Variants in TMEFF2 observed in about 807,000 individuals in gnomAD.
TMEFF2 encodes the protein transmembrane protein with EGF like and two follistatin like domains 2, also known as tomoregulin-2.
Under a neutral mutation model 53.8 loss-of-function variants are expected in TMEFF2, and 28 were observed. That is an observed-to-expected ratio of 0.52 (90% confidence interval 0.39 to 0.71). The LOEUF (loss-of-function observed/expected upper bound fraction) is 0.71. Among genes scored for constraint, TMEFF2 ranks in the 30% least tolerant of loss-of-function variants. The pLI, the probability that TMEFF2 is intolerant of heterozygous loss-of-function variation, is 0.00. For synonymous variants in TMEFF2, 162 were observed against 166.3 expected, an observed-to-expected ratio of 0.97 and a Z score of 0.20; for missense variants, 353 against 455.2, an observed-to-expected ratio of 0.78 and a Z score of 2.04.
At chr2:192,188,201 T>C (rs1035624986) in intron 2 of TMEFF2, among the ~76,000 whole-genome samples, 2 of 152,210 alleles carry the variant, frequency 1.3e-5, no homozygotes, top group East Asian at 3.8e-4. Flanking sequence ...AAAATTATGA[T>C]TTTAAGAGCG....
At chr2:192,188,013 T>C (rs1035905120) in intron 2 of TMEFF2, among the ~76,000 whole-genome samples, 9 of 152,176 alleles carry the variant, frequency 5.9e-5, no homozygotes, top group Non-Finnish European at 1.2e-4. Flanking sequence ...TCAACAGATG[T>C]TAAGTCAATT....
intron 4 of TMEFF2, among the ~76,000 whole-genome samples, chr2:192,102,962 C>T (rs968847700): frequency 6.6e-6 from 1 of 151,822 alleles, no homozygotes; most frequent in African/African-American, 2.4e-5. Flanking sequence ...ATGAGCATTC[C>T]GTGGTGTGGA....
At chr2:192,105,339 A>G (rs1410804145) in intron 4 of TMEFF2, among the ~76,000 whole-genome samples, 1 of 152,000 alleles carries the variant, frequency 6.6e-6, no homozygotes, top group Non-Finnish European at 1.5e-5. Flanking sequence ...CATATCTATC[A>G]AGTAATGAGC....
intron 4 of TMEFF2, among the ~76,000 whole-genome samples, chr2:192,106,099 ATAATT>A (rs1689138387): frequency 6.6e-6 from 1 of 151,850 alleles, no homozygotes; most frequent in South Asian, 2.1e-4. Flanking sequence ...TGAAGCTAAA[ATAATT>A]TAAATACAGT....
intron 4 of TMEFF2, among the ~76,000 whole-genome samples, chr2:192,072,005 G>A (rs1015984580): frequency 3.4e-4 from 51 of 151,968 alleles, no homozygotes; most frequent in African/African-American, 1.2e-3. Flanking sequence ...CTTCAAATAA[G>A]AAGCAGTTTA....
intron 4 of TMEFF2, among the ~76,000 whole-genome samples, chr2:192,104,735 C>T (rs1424113058): frequency 6.6e-6 from 1 of 151,924 alleles, no homozygotes; most frequent in Non-Finnish European, 1.5e-5. Flanking sequence ...ACAATTCAGC[C>T]ATTCTGCAAT....
intron 4 of TMEFF2, among the ~76,000 whole-genome samples, chr2:192,079,913 TC>T (rs1184157946): frequency 1.3e-5 from 2 of 152,212 alleles, no homozygotes; most frequent in African/African-American, 4.8e-5. Flanking sequence ...ATGATTAGAT[TC>T]CCTTAATCCA....
chr2:192,152,509 G>A lies in TMEFF2; in HGVS notation c.439+27159C>T, dbSNP rs575830370. 2.0e-5 allele frequency among the ~76,000 whole-genome samples: 3 copies of A among 152,030 alleles called. No homozygotes were observed. In the South Asian group the frequency reaches 6.2e-4, roughly 32 times the overall value. On this transcript the variant is annotated intron_variant, in intron 4 of 9. Coordinates refer to ENST00000272771, the MANE Select transcript of TMEFF2 (RefSeq NM_016192.4). ...GATGCTGCAGTAAAAGTAATGAGTG[G>A]CCCCAAGGGGGCACAGTCACATTTA...
chr2:192,111,073 G>T (rs1046968921), intron 4 of TMEFF2, among the ~76,000 whole-genome samples: 1 of 151,980 alleles, frequency 6.6e-6, no homozygotes, highest in African/African-American at 2.4e-5. Flanking sequence ...CCAGTCTCAG[G>T]TATGTCTTTA....
intron 4 of TMEFF2, among the ~76,000 whole-genome samples, chr2:192,164,805 T>G (rs1690720226): frequency 6.6e-6 from 1 of 152,200 alleles, no homozygotes; most frequent in Admixed American, 6.5e-5. Flanking sequence ...GTTTTTTCTC[T>G]TCTGAATTAA....
At chr2:192,190,189 C>T (rs140770792) in intron 2 of TMEFF2, among the ~76,000 whole-genome samples, 65 of 152,078 alleles carry the variant, frequency 4.3e-4, no homozygotes, top group African/African-American at 1.4e-3. Context: ...GCATTCATCC[C>T]TTTAGAGTTC....
At chr2:192,012,278 A>G (rs1023463860) in intron 5 of TMEFF2, among the ~76,000 whole-genome samples, 6 of 152,260 alleles carry the variant, frequency 3.9e-5, no homozygotes, top group Non-Finnish European at 7.3e-5. Flanking sequence ...AGCATAAAAC[A>G]TAAATTCTGT....
intron 4 of TMEFF2, among the ~76,000 whole-genome samples, chr2:192,069,896 G>A (rs959551355): frequency 3.6e-4 from 54 of 149,766 alleles, no homozygotes; most frequent in Admixed American, 3.1e-3. Context: ...ATTTTTAAAC[G>A]CCTTATAACT....
intron 4 of TMEFF2, among the ~76,000 whole-genome samples, chr2:192,121,531 T>A (rs867370442): frequency 1.2e-4 from 19 of 152,192 alleles, no homozygotes; most frequent in African/African-American, 4.6e-4. Context: ...GGGCTTCAGC[T>A]TTTAAATGAA....
At chr2:192,109,893 G>T (rs552989910) in intron 4 of TMEFF2, among the ~76,000 whole-genome samples, 40 of 152,056 alleles carry the variant, frequency 2.6e-4, no homozygotes, top group Non-Finnish European at 5.0e-4. Context: ...GAACCTCAGA[G>T]AATTCTGGAT....
At chr2:192,057,603 C>G in intron 5 of TMEFF2, 76 bp downstream of exon 5, 1 of 1,223,338 alleles carries the variant, frequency 8.2e-7, no homozygotes, top group Non-Finnish European at 1.2e-6. Context: ...TCTTCTGTTG[C>G]AGAATGGTTG....
At chr2:192,078,011 C>T (rs1266978227) in intron 4 of TMEFF2, among the ~76,000 whole-genome samples, 1 of 152,024 alleles carries the variant, frequency 6.6e-6, no homozygotes, top group Non-Finnish European at 1.5e-5. Flanking sequence ...TTAAACTGTA[C>T]TATAGTCTTT....
Position 192,165,136 on chromosome 2 carries a change from A to G in TMEFF2, c.439+14532T>C, listed in dbSNP as rs75882528. 1.2e-3 allele frequency among the ~76,000 whole-genome samples: 190 copies of G among 152,278 alleles called. 2 individuals are homozygous for G. The highest frequency in any genetic ancestry group is 8.6e-3 in the Admixed American group (132 of 15,284). ...CCTTAATAGAAACACCTTACTTTTA[A>G]CCAAAATAACATATTTAACATATTT... On this transcript the variant is annotated intron_variant, in intron 4 of 9. Transcript: ENST00000272771.
intron 4 of TMEFF2, among the ~76,000 whole-genome samples, chr2:192,081,391 G>A (rs1230791376): frequency 6.6e-6 from 1 of 152,134 alleles, no homozygotes; most frequent in Non-Finnish European, 1.5e-5. Context: ...AAAGAGGCAC[G>A]AGCTGGAAGT....
Sources: gnomAD v4.1 joint callset for allele counts (sites outside exome capture counted in the v4.1 genomes callset) on GRCh38, gnomAD v4.1.1 for gene constraint, MANE v1.5 for transcripts, NCBI Gene and HGNC (gene_info 2026-07-23, HGNC 2026-07-21) for gene names.